The following FGFR1 variants were observed in gnomAD, a reference collection of about 807,000 sequenced individuals.
FGFR1 encodes the protein FGFR1/PLAG1 fusion.
In FGFR1, 18 loss-of-function variants were observed where a neutral mutation model predicts 93.7. The ratio of observed to expected loss-of-function variants is 0.19; its 90% CI spans 0.13 to 0.28. FGFR1 has a LOEUF of 0.28. Ranked by LOEUF, FGFR1 falls within the 10% of genes least tolerant of loss-of-function variation. The probability of loss-of-function intolerance (pLI) is 1.00; values close to 1 mark genes in which losing one functional copy is unlikely to be tolerated. For missense variants in FGFR1, 731 were observed against 1,080.4 expected (o/e 0.68, Z 4.53); for synonymous variants, 448 against 429.3 (o/e 1.04, Z -0.54).
chr8:38,460,951 A>C, intron 1 of FGFR1: 1 of 967,398 alleles, frequency 1.0e-6, no homozygotes, highest in Non-Finnish European at 1.6e-6. Context: ...TTCCTCCAAG[A>C]CCCTGCAGCT....
intron 2 of FGFR1, among the ~76,000 whole-genome samples, chr8:38,443,743 T>C (rs1229756084): frequency 2.6e-5 from 4 of 151,602 alleles, no homozygotes; most frequent in Non-Finnish European, 4.4e-5. Context: ...ATGTTACATA[T>C]ATTTTACCAC....
intron 1 of FGFR1, among the ~76,000 whole-genome samples, chr8:38,462,802 C>T (rs1375136764): frequency 6.6e-6 from 1 of 151,384 alleles, no homozygotes; most frequent in Non-Finnish European, 1.5e-5. Flanking sequence ...TAGGGTTTCA[C>T]CATGTTGGCC....
At chr8:38,462,489 T>C (rs1228027011) in intron 1 of FGFR1, among the ~76,000 whole-genome samples, 5 of 151,894 alleles carry the variant, frequency 3.3e-5, no homozygotes, top group Non-Finnish European at 5.9e-5. Context: ...GGCAACAAAG[T>C]GAGACTCCGT....
At chr8:38,414,534 C>T (rs2150547421) in intron 15 of FGFR1, 25 bp downstream of exon 15, 1 of 1,613,496 alleles carries the variant, frequency 6.2e-7, no homozygotes, top group East Asian at 2.2e-5. Context: ...CCACACCTCC[C>T]TGGCAATTGC....
At chr8:38,449,502 C>T (rs1830397101) in intron 2 of FGFR1, among the ~76,000 whole-genome samples, 1 of 152,210 alleles carries the variant, frequency 6.6e-6, no homozygotes, top group Non-Finnish European at 1.5e-5. Flanking sequence ...TGTTGGTTAA[C>T]TCCTAGAAAC....
At chr8:38,443,559 G>A (rs1257438785) in intron 2 of FGFR1, among the ~76,000 whole-genome samples, 1 of 151,738 alleles carries the variant, frequency 6.6e-6, no homozygotes, top group Non-Finnish European at 1.5e-5. Context: ...TGTGGTCCCA[G>A]CTACTTGGGA....
At chr8:38,456,922 C>T (rs1832993975) in intron 2 of FGFR1, among the ~76,000 whole-genome samples, 1 of 152,146 alleles carries the variant, frequency 6.6e-6, no homozygotes. Flanking sequence ...TTAGCAAGCT[C>T]TCACCTCCTA....
chr8:38,466,423 GC>G, intron 1 of FGFR1: 1 of 231,672 alleles, frequency 4.3e-6, no homozygotes, highest in Non-Finnish European at 8.5e-6. Context: ...CAGCCAAAGA[GC>G]CCCCCTAGTC....
At chr8:38,453,132 T>C (rs749521550) in intron 2 of FGFR1, among the ~76,000 whole-genome samples, 2 of 152,236 alleles carry the variant, frequency 1.3e-5, no homozygotes, top group African/African-American at 2.4e-5. Flanking sequence ...ACAGCAGTTC[T>C]CTGTTCTGTC....
rs758631877 is a variant in FGFR1 at position 38,429,260 on chromosome 8, C to T, written c.358+422G>A. On this transcript the variant is annotated intron_variant, in intron 3 of 17. Transcript: ENST00000447712. The surrounding 1 kb of genome is among the most constrained non-coding windows in gnomAD (Gnocchi z 4.4). ...CTTGCGGTGCACCTGGGTTCCTCTC[C>T]AGCAGAGCAGGGATACCACCACCTG... is the stretch of plus-strand genomic sequence containing the variant. The T allele has an allele frequency of 2.0e-6, 1 of 494,856 alleles. No individual in the cohort carries two copies. The highest frequency in any genetic ancestry group is 4.0e-6 in the Non-Finnish European group (1 of 250,212). 30.7% of individuals were successfully genotyped at this position (494,856 alleles called of 1,614,324 possible). A position where few individuals can be genotyped will look rare whatever the true frequency, so the allele number is the denominator to read the frequency against.
Position 38,414,922 on chromosome 8 carries a change from A to G in FGFR1, c.1855-21T>C, listed in dbSNP as rs1308760055. 1.9e-6 allele frequency: 3 copies of G among 1,606,226 alleles called. 1 individual carries two copies. In the East Asian group the frequency reaches 6.7e-5, roughly 36 times the overall value. On this transcript the variant is annotated intron_variant, in intron 13 of 17. Transcript: ENST00000447712. ...ATGCACTGAGGAAGGAGGAAGGGAG[A>G]GCGGGAGGCGGGGAGGTGAGGGAGC... is the stretch of plus-strand genomic sequence containing the variant.
intron 5 of FGFR1, among the ~76,000 whole-genome samples, chr8:38,427,178 C>T (rs1343067004): frequency 6.6e-6 from 1 of 151,734 alleles, no homozygotes; most frequent in African/African-American, 2.4e-5. Context: ...TAAGGAAGCA[C>T]GCTTAAAAAA....
chr8:38,417,733 C>T, intron 11 of FGFR1, 137 bp downstream of exon 11: 1 of 1,240,696 alleles, frequency 8.1e-7, no homozygotes, highest in Admixed American at 1.7e-5. Context: ...CCCCTCCACT[C>T]CCAGGTAACC....
rs559192134 is a variant in FGFR1, at chr8:38,431,119, G to A, written c.92-1171C>T. 3.3e-5 allele frequency among the ~76,000 whole-genome samples: 5 copies of A among 152,290 alleles called. No individual in the cohort carries two copies. In the South Asian group the frequency reaches 6.2e-4, roughly 19 times the overall value. On this transcript the variant is annotated intron_variant, in intron 2 of 17. Coordinates refer to ENST00000447712, the MANE Select transcript of FGFR1 (RefSeq NM_023110.3). Reference sequence around the variant, plus strand: ...TTCACCCTAAGAGACTCAGTGGAGCGACTGCCGCTCCCCGATGCATAAGGC... The same window carrying A: ...TTCACCCTAAGAGACTCAGTGGAGCAACTGCCGCTCCCCGATGCATAAGGC...
chr8:38,423,680 AAAAG>A (rs1347261638), intron 7 of FGFR1: 2 of 157,256 alleles, frequency 1.3e-5, no homozygotes, highest in South Asian at 1.9e-4. Context: ...AAAAAAAAAA[AAAAG>A]AATCACTGCT....
At chr8:38,462,902 C>CTT (rs11364295) in intron 1 of FGFR1, among the ~76,000 whole-genome samples, 4 of 114,808 alleles carry the variant, frequency 3.5e-5, no homozygotes, top group East Asian at 2.7e-4. Flanking sequence ...CTGTGCCTGG[C>CTT]TTTTTTTTTT....
intron 2 of FGFR1, among the ~76,000 whole-genome samples, chr8:38,438,476 G>A (rs886188925): frequency 1.3e-5 from 2 of 151,064 alleles, no homozygotes; most frequent in African/African-American, 4.9e-5. Context: ...CTAGGAGGCA[G>A]AGGTTGCAGT....
chr8:38,417,149 G>A (rs991350756), intron 12 of FGFR1, among the ~76,000 whole-genome samples, 157 bp downstream of exon 12: 12 of 152,122 alleles, frequency 7.9e-5, no homozygotes, highest in African/African-American at 2.2e-4. Flanking sequence ...ACCAATGAGC[G>A]GAGCCCAGAT....
intron 1 of FGFR1, 100 bp from the exon 2 acceptor site, chr8:38,457,634 G>T (rs2151358165): frequency 8.1e-7 from 1 of 1,229,514 alleles, no homozygotes; most frequent in Non-Finnish European, 1.1e-6. Context: ...GCTGCTTAAA[G>T]TGTGGACTTA....
Sources: gnomAD v4.1 joint callset for allele counts (sites outside exome capture counted in the v4.1 genomes callset) on GRCh38, gnomAD v4.1.1 for gene constraint, Gnocchi (gnomAD v3.1) non-coding constraint, MANE v1.5 for transcripts, NCBI Gene and HGNC (gene_info 2026-07-23, HGNC 2026-07-21) for gene names.